Variants in SAMSN1 observed in about 807,000 individuals in gnomAD.
SAMSN1 encodes SAM domain-containing protein SAMSN-1.
In SAMSN1, 31 loss-of-function variants were observed where a neutral mutation model predicts 42.0. The ratio of observed to expected loss-of-function variants is 0.74; its 90% CI spans 0.55 to 1.00. The LOEUF (loss-of-function observed/expected upper bound fraction) is 1.00. Ranked by LOEUF, SAMSN1 falls within the 50% of genes least tolerant of loss-of-function variation. The pLI is 0.00. For synonymous variants in SAMSN1, 178 were observed against 151.9 expected (o/e 1.17, Z -1.26); for missense variants, 464 against 439.4 (o/e 1.06, Z -0.50).
chr21:14,657,844 C>A (rs1370061472), intron 1 of SAMSN1, among the ~76,000 whole-genome samples: 5 of 151,788 alleles, frequency 3.3e-5, no homozygotes, highest in Non-Finnish European at 7.4e-5. Context: ...TAAGATTAAA[C>A]CCCTTATCTT....
At chr21:14,643,497 T>G (rs900269390) in intron 1 of SAMSN1, among the ~76,000 whole-genome samples, 2 of 152,176 alleles carry the variant, frequency 1.3e-5, no homozygotes, top group African/African-American at 4.8e-5. Flanking sequence ...GTTACAGATT[T>G]GAGTTACATG....
intron 7 of SAMSN1, chr21:14,495,955 T>A (rs1335986331): frequency 6.6e-6 from 1 of 152,206 alleles, no homozygotes; most frequent in African/African-American, 2.4e-5. Context: ...TGAATAATTG[T>A]TCTTTTGCTA....
chr21:14,626,196 T>C (rs919074469), intron 2 of SAMSN1, among the ~76,000 whole-genome samples: 2 of 152,196 alleles, frequency 1.3e-5, no homozygotes, highest in African/African-American at 4.8e-5. Context: ...ACCTAGGCAT[T>C]ACCATTCAGG....
chr21:14,519,316 A>C (rs1301075152), intron 2 of SAMSN1, among the ~76,000 whole-genome samples: 3 of 152,172 alleles, frequency 2.0e-5, no homozygotes, highest in African/African-American at 7.2e-5. Context: ...TTCTTTTACA[A>C]ATTACTAGGC....
At chr21:14,582,689 G>A (rs943436220) in intron 1 of SAMSN1, among the ~76,000 whole-genome samples, 1 of 151,780 alleles carries the variant, frequency 6.6e-6, no homozygotes, top group Non-Finnish European at 1.5e-5. Flanking sequence ...TGTAAAAGTC[G>A]CATTTTTCTG....
intron 7 of SAMSN1, among the ~76,000 whole-genome samples, chr21:14,490,972 A>G (rs1435636050): frequency 5.9e-5 from 9 of 152,056 alleles, no homozygotes; most frequent in East Asian, 1.9e-4. Flanking sequence ...ACTCTCCCCA[A>G]CCATACACCA....
At chr21:14,496,283 T>C (rs1031369888) in intron 7 of SAMSN1, 1 of 152,242 alleles carries the variant, frequency 6.6e-6, no homozygotes, top group Non-Finnish European at 1.5e-5. Flanking sequence ...GGAGGAGTTT[T>C]ACAGCAGACT....
chr21:14,497,279 A>G (rs1986948066), intron 7 of SAMSN1, among the ~76,000 whole-genome samples: 2 of 152,200 alleles, frequency 1.3e-5, no homozygotes, highest in Admixed American at 1.3e-4. Context: ...TATGTTTTAA[A>G]AATGTAGTTA....
chr21:14,579,086 T>A (rs933839065), intron 2 of SAMSN1, among the ~76,000 whole-genome samples: 7 of 152,212 alleles, frequency 4.6e-5, no homozygotes, highest in African/African-American at 1.7e-4. Flanking sequence ...TGTTATAGAA[T>A]ATATGTGTAG....
At chr21:14,519,262 G>T (rs142254577) in intron 2 of SAMSN1, among the ~76,000 whole-genome samples, 60 of 152,172 alleles carry the variant, frequency 3.9e-4, no homozygotes, top group African/African-American at 1.4e-3. Flanking sequence ...AATGAGTGCT[G>T]GATTGTTGAA....
Position 14,512,431 on chromosome 21 carries a change from T to A in SAMSN1, c.409+13A>T, listed in dbSNP as rs1203505091. The A allele has an allele frequency of 1.9e-6, 3 of 1,612,842 alleles. No individual in the cohort carries two copies. Among genetic ancestry groups the A allele is most frequent in the Non-Finnish European group, 2.5e-6 (3 of 1,179,098 alleles). Reference sequence around the variant, plus strand: ...TCACACCCAGGATCTTGTCCCTGATTCATTAGCCTTACTTGATGAGCTCTG... The same window carrying A: ...TCACACCCAGGATCTTGTCCCTGATACATTAGCCTTACTTGATGAGCTCTG... On this transcript the variant is annotated intron_variant, in intron 4 of 7. Coordinates refer to ENST00000400566, the MANE Select transcript of SAMSN1 (RefSeq NM_022136.5).
In SAMSN1 at chr21:14,536,846, A is replaced by G. The variant is rs908491122; in HGVS notation, c.57+9359T>C. On this transcript the variant is annotated intron_variant, in intron 1 of 7. Transcript: ENST00000400566. ...GAAACTTTCTGTCTGCCATCTTTAGACAGCATGTAGTAAGTTACCTATAAA... is the reference window on the plus strand; with the variant it reads ...GAAACTTTCTGTCTGCCATCTTTAGGCAGCATGTAGTAAGTTACCTATAAA... 9.2e-5 allele frequency among the ~76,000 whole-genome samples: 14 copies of G among 152,286 alleles called. No homozygotes were observed. In the East Asian group the frequency reaches 2.7e-3, roughly 29 times the overall value.
At chr21:14,538,588 A>G (rs566671141) in intron 1 of SAMSN1, among the ~76,000 whole-genome samples, 1 of 152,324 alleles carries the variant, frequency 6.6e-6, no homozygotes, top group Non-Finnish European at 1.5e-5. Flanking sequence ...GATAAGAGTT[A>G]AAAATGTATC....
At chr21:14,515,283 T>C (rs760903418) in intron 3 of SAMSN1, among the ~76,000 whole-genome samples, 9 of 152,098 alleles carry the variant, frequency 5.9e-5, no homozygotes, top group Non-Finnish European at 1.2e-4. Context: ...TAAAAATCAA[T>C]AAAGTAGAAT....
At chr21:14,609,990 A>G (rs1982663700) in intron 4 of SAMSN1, among the ~76,000 whole-genome samples, 1 of 152,192 alleles carries the variant, frequency 6.6e-6, no homozygotes, top group Non-Finnish European at 1.5e-5. Flanking sequence ...ATGTCGCCTC[A>G]GAACCCTGTG....
intron 1 of SAMSN1, among the ~76,000 whole-genome samples, chr21:14,544,394 A>G (rs141135461): frequency 0.011 from 1,696 of 152,284 alleles, 27 homozygotes; most frequent in African/African-American, 0.035. Flanking sequence ...AAAATTACCC[A>G]CCAAAATAAA....
chr21:14,505,547 T>A (rs1222356213), intron 5 of SAMSN1, among the ~76,000 whole-genome samples: 1 of 152,128 alleles, frequency 6.6e-6, no homozygotes, highest in Non-Finnish European at 1.5e-5. Flanking sequence ...CAGGAAAATA[T>A]CACAATCCTA....
intron 1 of SAMSN1, among the ~76,000 whole-genome samples, chr21:14,536,833 C>A (rs1298006205): frequency 6.6e-6 from 1 of 152,200 alleles, no homozygotes; most frequent in Admixed American, 6.5e-5. Flanking sequence ...AACTTTCTGT[C>A]TGCCATCTTT....
intron 4 of SAMSN1, chr21:14,609,615 G>A (rs1017498965): frequency 1.4e-6 from 1 of 716,788 alleles, no homozygotes; most frequent in South Asian, 1.5e-5. Context: ...AGTAACATTT[G>A]TCCAGTAAGT....
Sources: allele counts gnomAD v4.1 joint callset (sites outside exome capture counted in the v4.1 genomes callset), GRCh38; gene constraint gnomAD v4.1.1; transcripts MANE v1.5; gene names NCBI Gene and HGNC (gene_info 2026-07-23, HGNC 2026-07-21).